The following VILL variants were observed in gnomAD, a reference collection of about 807,000 sequenced individuals.
VILL encodes villin-like protein.
In VILL, 102 loss-of-function variants were observed where a neutral mutation model predicts 106.3. That is an observed-to-expected ratio of 0.96 (90% CI 0.82 to 1.13). The LOEUF (loss-of-function observed/expected upper bound fraction) is 1.13. VILL is among the 50% of genes most tolerant of loss of function. The pLI is 0.00. For synonymous variants in VILL, 431 were observed against 440.3 expected (o/e 0.98, Z 0.27); for missense variants, 1,076 against 1,116.6 (o/e 0.96, Z 0.52).
upstream of VILL, among the ~76,000 whole-genome samples, chr3:37,989,533 G>A (rs184517800): frequency 2.7e-3 from 407 of 152,304 alleles, no homozygotes; most frequent in African/African-American, 8.3e-3. Context: ...GGTTGACAGC[G>A]GGCATTGGTG....
intron 5 of VILL, 127 bp from the exon 6 acceptor site, chr3:37,996,950 C>T: frequency 1.3e-6 from 1 of 744,184 alleles, no homozygotes. Flanking sequence ...GCATTATCTA[C>T]AGTCACACAT....
intron 1 of VILL, 54 bp from the exon 2 acceptor site, chr3:37,993,533 G>A (rs1699641080): frequency 4.2e-6 from 3 of 711,014 alleles, no homozygotes; most frequent in Non-Finnish European, 7.0e-6. Flanking sequence ...TCTGTGTGCT[G>A]ACATTTGTGT....
At position 38,001,475 on chromosome 3, in the gene VILL, T is replaced by TA; in HGVS notation, c.1203dup (p.His402ThrfsTer47). On this transcript the variant is annotated frameshift_variant, in exon 12 of 20. Transcript: ENST00000383759. LOFTEE classifies it high-confidence loss of function. The stretch of plus-strand genomic sequence containing the variant: ...CCCCAGGTGTGGTGCATCCAGGACT[T>TA]ACACAGGCAGCCCGTGGACCCCAAG... The TA allele has an allele frequency of 6.2e-7, 1 of 1,614,182 alleles. No individual in the cohort carries two copies. Among genetic ancestry groups the TA allele is most frequent in the Non-Finnish European group, 8.5e-7 (1 of 1,180,006 alleles).
At chr3:37,995,240 T>G (rs1390894806) in intron 4 of VILL, among the ~76,000 whole-genome samples, 1 of 152,254 alleles carries the variant, frequency 6.6e-6, no homozygotes, top group Non-Finnish European at 1.5e-5. Flanking sequence ...TATAGGAAAT[T>G]GCTATTTGAT....
chr3:38,002,505 C>T lies in VILL; in HGVS notation c.1589C>T (p.Ala530Val). Residue 530 changes from alanine (A) to valine (V), a missense_variant, in exon 14 of 20, where the codon GCC becomes GTC. Ala to Val is a moderately conservative substitution (Grantham distance 64). Coordinates refer to ENST00000383759, the MANE Select transcript of VILL (RefSeq NM_015873.4). ...AGGACCATGGAGGTGCCAGCCCGTG[C>T]CTCATCCCTCAACTCCAGTGACATC... ...NTRTMEVPAR[A>V]SSLNSSDIFL... The T allele has an allele frequency of 6.2e-7, 1 of 1,614,222 alleles. No homozygotes were observed. The highest frequency in any genetic ancestry group is 8.5e-7 in the Non-Finnish European group (1 of 1,180,024).
Position 38,003,308 on chromosome 3 carries a change from C to T in VILL, c.1800C>T (p.Asn600=), listed in dbSNP as rs1187129231. Residue 600 remains asparagine (N), a synonymous_variant, in exon 15 of 20, where the codon AAC becomes AAT. Coordinates refer to ENST00000383759, the MANE Select transcript of VILL (RefSeq NM_015873.4). The stretch of plus-strand genomic sequence containing the variant: ...GAGGCCGGGCCCCCTACCCCAGCAA[C>T]AAGAGGTAACAGGGTTGGGAGGAGA... ...ALGGRAPYPS[N]KRLPEEVPSF... is the part of the protein sequence containing the mutation. 1.2e-6 allele frequency: 2 copies of T among 1,607,822 alleles called. No homozygotes were observed. The highest frequency in any genetic ancestry group is 1.7e-5 in the Admixed American group (1 of 58,540).
At position 37,998,983 on chromosome 3, in the gene VILL, C is replaced by G. The variant is rs774726124; in HGVS notation, c.1014C>G (p.Ala338=). The G allele has an allele frequency of 1.2e-6, 2 of 1,609,462 alleles. No individual in the cohort carries two copies. The highest frequency in any genetic ancestry group is 1.3e-5 in the African/African-American group (1 of 74,526). The change falls in exon 10 of 20, where the codon GCC becomes GCG. Residue 338 remains alanine (A), a synonymous_variant. Transcript: ENST00000383759. The surrounding 1 kb of genome is among the most constrained non-coding windows in gnomAD (Gnocchi z 4.1). ...TGGTGAACGACGGCGCCGAGTCGGC[C>G]GCGTTCAAGCAGCTCTTCCGGACTT... The part of the protein sequence containing the change: ...VEVVNDGAES[A]AFKQLFRTWS...
At chr3:37,999,811 ACT>A (rs1699781088) in intron 11 of VILL, among the ~76,000 whole-genome samples, 1 of 152,102 alleles carries the variant, frequency 6.6e-6, no homozygotes, top group African/African-American at 2.4e-5. Context: ...AGCTGCAAAA[ACT>A]CTACATCAGA....
rs1294326712 is a variant in VILL at position 37,998,966 on chromosome 3, G to T, written c.997G>T (p.Asp333Tyr). 2 of 1,610,546 alleles carry T rather than the reference G, an allele frequency of 1.2e-6. No homozygotes were observed. The highest frequency in any genetic ancestry group is 8.5e-7 in the Non-Finnish European group (1 of 1,178,580). Residue 333 changes from aspartate (D) to tyrosine (Y), a missense_variant, in exon 10 of 20, where the codon GAC (aspartate) becomes TAC (tyrosine). Asp to Tyr is a radical substitution (Grantham distance 160). Coordinates refer to ENST00000383759, the MANE Select transcript of VILL (RefSeq NM_015873.4). This position sits in a 1 kb window ranked among gnomAD's most constrained non-coding sequence, Gnocchi z 4.1. ...CTACACCAACGTGGAGGTGGTGAAC[G>T]ACGGCGCCGAGTCGGCCGCGTTCAA... is the stretch of plus-strand genomic sequence containing the variant. ...PTYTNVEVVN[D>Y]GAESAAFKQL...
At position 37,995,884 on chromosome 3, in the gene VILL, C is replaced by G. The variant is rs775935864; in HGVS notation, c.450+37C>G. Reference sequence around the variant, plus strand: ...AGGGGAGCCTCTTGACCTCTGAACTCGGCTCAGACTGGGTGTACTGAGGTA... The same window carrying G: ...AGGGGAGCCTCTTGACCTCTGAACTGGGCTCAGACTGGGTGTACTGAGGTA... On this transcript the variant is annotated intron_variant, in intron 5 of 19. Transcript: ENST00000383759. The G allele has an allele frequency of 4.5e-6, 7 of 1,565,494 alleles. No homozygotes were observed. In the African/African-American group the frequency reaches 9.5e-5, roughly 21 times the overall value.
At chr3:38,003,462 G>C (rs942021042) in intron 15 of VILL, 149 bp downstream of exon 15, 29 of 1,053,572 alleles carry the variant, frequency 2.8e-5, no homozygotes, top group Non-Finnish European at 2.8e-5. Context: ...GCTCCCACAA[G>C]TACAGCCCAC....
At position 38,007,107 on chromosome 3, in the gene VILL, T is replaced by G. The variant is rs1474929494; in HGVS notation, c.*52T>G. ...CCCCTGGACCCCAACATACCTACAA[T>G]GCTGGGGAGGCCCTGCTTCCACTCC... On this transcript the variant is annotated 3_prime_UTR_variant, in exon 20 of 20. Coordinates refer to ENST00000383759, the MANE Select transcript of VILL (RefSeq NM_015873.4). 6 of 1,465,486 alleles carry G rather than the reference T, an allele frequency of 4.1e-6. No individual in the cohort carries two copies. The highest frequency in any genetic ancestry group is 4.8e-6 in the Non-Finnish European group (5 of 1,051,048). The allele number at this position is 1,465,486 out of a possible 1,614,324, so 90.8% of individuals were successfully genotyped here.
rs1218012729 is a variant in VILL at position 37,997,442 on chromosome 3, G to A, written c.562-41G>A. 6.3e-7 allele frequency: 1 copy of A among 1,599,702 alleles called. No homozygotes were observed. On this transcript the variant is annotated intron_variant, in intron 6 of 19. Coordinates refer to ENST00000383759, the MANE Select transcript of VILL (RefSeq NM_015873.4). This position sits in a 1 kb window ranked among gnomAD's most constrained non-coding sequence, Gnocchi z 4.7. ...CAGGAGAAGTCTCTGCTGTGAGAGG[G>A]CACACTGGTGACACCCTGACTCCCA...
chr3:37,997,791 G>C lies in VILL; in HGVS notation c.764+106G>C. On this transcript the variant is annotated intron_variant, in intron 7 of 19. Transcript: ENST00000383759. This position sits in a 1 kb window ranked among gnomAD's most constrained non-coding sequence, Gnocchi z 4.7. ...TCTAGAAGGCCCTCCAGCAAAGGCT[G>C]CTGGGTTTCTGGGACAGGTCATGTG... 7.6e-7 allele frequency: 1 copy of C among 1,311,654 alleles called. No individual in the cohort carries two copies. The highest frequency in any genetic ancestry group is 1.0e-6 in the Non-Finnish European group (1 of 964,220). The allele number at this position is 1,311,654 out of a possible 1,614,324, so 81.3% of individuals were successfully genotyped here.
In VILL at chr3:38,001,546, A is replaced by G. The variant is rs1353428041; in HGVS notation, c.1273A>G (p.Thr425Ala). 21 of 1,614,210 alleles carry G rather than the reference A, an allele frequency of 1.3e-5. No individual in the cohort carries two copies. The highest frequency in any genetic ancestry group is 1.8e-5 in the Non-Finnish European group (21 of 1,180,016). ...CAGNCYLVLY[T>A]YQRLGRVQYI... is the part of the protein sequence containing the mutation. ...AGGCAACTGCTACCTTGTGCTCTACACATACCAGAGGCTGGGCCGTGTCCA... is the reference window on the plus strand; with the variant it reads ...AGGCAACTGCTACCTTGTGCTCTACGCATACCAGAGGCTGGGCCGTGTCCA... Residue 425 changes from threonine to alanine, a missense_variant, in exon 12 of 20, where the codon ACA becomes GCA. Physicochemically the swap from Thr to Ala is moderately conservative, Grantham distance 58 (BLOSUM62 0). Coordinates refer to ENST00000383759, the MANE Select transcript of VILL (RefSeq NM_015873.4).
intron 14 of VILL, 137 bp from the exon 15 acceptor site, chr3:38,003,031 C>A (rs1699848090): frequency 9.0e-7 from 1 of 1,108,998 alleles, no homozygotes; most frequent in Non-Finnish European, 1.3e-6. Flanking sequence ...ATGCCTTGTT[C>A]ACTGGTGTCC....
intron 19 of VILL, 66 bp downstream of exon 19, chr3:38,006,766 G>T: frequency 6.5e-7 from 1 of 1,549,218 alleles, no homozygotes; most frequent in South Asian, 1.2e-5. Context: ...CCCAAGGCAG[G>T]ATCCACTGGT....
upstream of VILL, among the ~76,000 whole-genome samples, chr3:37,990,054 G>T (rs530357194): frequency 8.5e-5 from 13 of 152,346 alleles, no homozygotes; most frequent in African/African-American, 3.1e-4. The surrounding 1 kb of genome is among the most constrained non-coding windows in gnomAD (Gnocchi z 5.1). Flanking sequence ...CGCTGGCTGG[G>T]CCTTGGCTGG....
Position 38,006,188 on chromosome 3 carries a change from C to A in VILL, c.2141C>A (p.Pro714Gln). 6.2e-7 allele frequency: 1 copy of A among 1,614,198 alleles called. No individual in the cohort carries two copies. Among genetic ancestry groups the A allele is most frequent in the South Asian group, 1.1e-5 (1 of 91,082 alleles). The change falls in exon 18 of 20, where the codon CCG becomes CAG. Residue 714 changes from proline (P) to glutamine (Q), a missense_variant. Coordinates refer to ENST00000383759, the MANE Select transcript of VILL (RefSeq NM_015873.4). ...CCCCGATTCTTGCTCCAGAGCCACC[C>A]GTCCCACAAGGAAGTGGTGGATGGC... Reference protein sequence around the residue: ...TWDPYKWTSHPSHKEVVDGSP... With the variant: ...TWDPYKWTSHQSHKEVVDGSP...
Sources: gnomAD v4.1 joint callset for allele counts (sites outside exome capture counted in the v4.1 genomes callset) on GRCh38, gnomAD v4.1.1 for gene constraint, Gnocchi (gnomAD v3.1) non-coding constraint, MANE v1.5 for transcripts, NCBI Gene and HGNC (gene_info 2026-07-23, HGNC 2026-07-21) for gene names.